Variants in ZNF680 observed in about 807,000 individuals in gnomAD.
ZNF680 encodes the protein hypothetical protein FLJ90430.
A neutral mutation model predicts 12.1 loss-of-function variants in ZNF680; 6 were observed. That is an observed-to-expected ratio of 0.49 (90% CI 0.27 to 0.98). The LOEUF is 0.98. Among genes scored for constraint, ZNF680 ranks in the 50% least tolerant of loss-of-function variants. The probability of loss-of-function intolerance (pLI) is 0.12; values close to 1 mark genes in which losing one functional copy is unlikely to be tolerated. For missense variants in ZNF680, 561 were observed against 616.3 expected, an observed-to-expected ratio of 0.91 and a Z score of 0.95; for synonymous variants, 170 against 199.3, an observed-to-expected ratio of 0.85 and a Z score of 1.24.
At chr7:64,557,187 C>T (rs1433152203) in intron 1 of ZNF680, among the ~76,000 whole-genome samples, 1 of 150,994 alleles carries the variant, frequency 6.6e-6, no homozygotes, top group Admixed American at 6.6e-5. Context: ...GGAGGTAGAG[C>T]TTGCAGTGAG....
chr7:64,506,193 A>ATTT, the ZNF680 span, among the ~76,000 whole-genome samples: 2 of 105,578 alleles, frequency 1.9e-5, no homozygotes, highest in East Asian at 5.4e-4. Flanking sequence ...AGTCTTTTAG[A>ATTT]TTTTTTTTTT....
the ZNF680 span, chr7:64,501,692 A>T: frequency 1.9e-6 from 2 of 1,050,898 alleles, no homozygotes; most frequent in South Asian, 2.5e-5. Flanking sequence ...GAAGGAGAGG[A>T]TGACAGAGAC....
intron 1 of ZNF680, among the ~76,000 whole-genome samples, chr7:64,557,876 C>T (rs1787510420): frequency 6.6e-6 from 1 of 152,170 alleles, no homozygotes; most frequent in South Asian, 2.1e-4. Context: ...GGTAGGAGGA[C>T]AGAAAGGACT....
chr7:64,517,279 C>T (rs1243033112), downstream of ZNF680, among the ~76,000 whole-genome samples: 1 of 151,884 alleles, frequency 6.6e-6, no homozygotes. Context: ...CAACTGACAT[C>T]ACAGAAATAC....
At chr7:64,502,354 T>C in the ZNF680 span, among the ~76,000 whole-genome samples, 3 of 143,242 alleles carry the variant, frequency 2.1e-5, no homozygotes, top group African/African-American at 7.6e-5. Flanking sequence ...TATCTCATTA[T>C]GCAGAAAGTA....
chr7:64,538,902 G>A (rs927281348), intron 3 of ZNF680, among the ~76,000 whole-genome samples: 2 of 151,946 alleles, frequency 1.3e-5, no homozygotes, highest in African/African-American at 2.4e-5. Flanking sequence ...AGGCGGAGGC[G>A]GGTGGATCAC....
chr7:64,548,805 A>G (rs893034388), intron 1 of ZNF680, among the ~76,000 whole-genome samples: 5 of 151,988 alleles, frequency 3.3e-5, no homozygotes, highest in African/African-American at 1.2e-4. Context: ...GCCAAGCAGG[A>G]GAGACTCAGG....
chr7:64,501,877 G>A, the ZNF680 span: 3 of 495,420 alleles, frequency 6.1e-6, no homozygotes, highest in Non-Finnish European at 1.1e-5. Flanking sequence ...ATATTGCCCT[G>A]CACCTAGGTC....
At chr7:64,508,126 T>TATATATATATATATATATATATATATAC in the ZNF680 span, among the ~76,000 whole-genome samples, 11 of 78,666 alleles carry the variant, frequency 1.4e-4, no homozygotes, top group African/African-American at 5.9e-4. Context: ...TTAAAATGTA[T>TATATATATATATATATATATATATATAC]ATATATATAT....
intron 3 of ZNF680, among the ~76,000 whole-genome samples, chr7:64,530,355 T>C (rs1785794900): frequency 6.6e-6 from 1 of 152,168 alleles, no homozygotes; most frequent in African/African-American, 2.4e-5. Flanking sequence ...GTGGCCTAAA[T>C]CTGCCACTTA....
chr7:64,543,802 C>T lies in ZNF680; in HGVS notation c.158G>A (p.Gly53Asp). 1 of 1,611,728 alleles carries T rather than the reference C, an allele frequency of 6.2e-7. No homozygotes were observed. ...FENYRNLVFL[G>D]IAVSKPHLIT... ...CAGGTGAGGCTTAGAGACAGCAATA[C>T]CTGTTTTATTAAAAATAAATAACAT... Residue 53 changes from glycine to aspartate, a missense_variant and splice_region_variant, in exon 3 of 4, where the codon GGT becomes GAT. Gly to Asp is a moderately conservative substitution (Grantham distance 94). Transcript: ENST00000309683.
the ZNF680 span, chr7:64,501,467 A>C: frequency 1.1e-6 from 1 of 890,150 alleles, no homozygotes; most frequent in Non-Finnish European, 1.9e-6. Flanking sequence ...AACCTGGAAA[A>C]ATTTAAAAGG....
chr7:64,510,413 T>TA, the ZNF680 span, among the ~76,000 whole-genome samples: 22 of 150,404 alleles, frequency 1.5e-4, 1 homozygote, highest in South Asian at 6.3e-4. Context: ...CCCAACTCAA[T>TA]AAAAAAAACA....
At chr7:64,507,442 A>G in the ZNF680 span, among the ~76,000 whole-genome samples, 1 of 152,206 alleles carries the variant, frequency 6.6e-6, no homozygotes, top group Non-Finnish European at 1.5e-5. Context: ...AAAATAACAG[A>G]GTAAATTTCA....
chr7:64,557,544 G>A (rs1787486170), intron 1 of ZNF680, among the ~76,000 whole-genome samples: 1 of 150,634 alleles, frequency 6.6e-6, no homozygotes. Flanking sequence ...GACAGAGCAA[G>A]GGTCCGTCTC....
intron 3 of ZNF680, among the ~76,000 whole-genome samples, chr7:64,537,511 T>C (rs1348664901): frequency 6.6e-6 from 1 of 152,118 alleles, no homozygotes; most frequent in Non-Finnish European, 1.5e-5. Context: ...AATTTGATTA[T>C]GATCATAACT....
chr7:64,559,607 A>G (rs1487072750), intron 1 of ZNF680, among the ~76,000 whole-genome samples: 8 of 151,890 alleles, frequency 5.3e-5, no homozygotes, highest in Admixed American at 5.3e-4. Context: ...CAGCCTCCTG[A>G]GTAGCTGGGA....
At position 64,563,052 on chromosome 7, in the gene ZNF680, C is replaced by T; in HGVS notation, c.-98G>A. ...AGAGCAGTAAAGACTAGACCTGGAG[C>T]TCCCGCAGCAGCTAGAGACAAAGGC... is the stretch of plus-strand genomic sequence containing the variant. On this transcript the variant is annotated 5_prime_UTR_variant, in exon 1 of 4. Coordinates refer to ENST00000309683, the MANE Select transcript of ZNF680 (RefSeq NM_178558.5). 7.0e-7 allele frequency: 1 copy of T among 1,435,060 alleles called. No individual in the cohort carries two copies. The highest frequency in any genetic ancestry group is 9.7e-7 in the Non-Finnish European group (1 of 1,028,202). 88.9% of individuals were successfully genotyped at this position (1,435,060 alleles called of 1,614,324 possible). A position where few individuals can be genotyped will look rare whatever the true frequency, so the allele number is the denominator to read the frequency against.
the ZNF680 span, among the ~76,000 whole-genome samples, chr7:64,512,237 C>T: frequency 6.6e-6 from 1 of 151,774 alleles, no homozygotes; most frequent in Non-Finnish European, 1.5e-5. Context: ...ATCACAAGGT[C>T]AAGAGATCGA....
Sources: allele counts gnomAD v4.1 joint callset (sites outside exome capture counted in the v4.1 genomes callset), GRCh38; gene constraint gnomAD v4.1.1; transcripts MANE v1.5; gene names NCBI Gene and HGNC (gene_info 2026-07-23, HGNC 2026-07-21).